The following BTRC variants were observed in gnomAD, a reference collection of about 807,000 sequenced individuals.
The protein encoded by BTRC is beta-transducin repeat containing E3 ubiquitin protein ligase.
A neutral mutation model predicts 85.5 loss-of-function variants in BTRC; 42 were observed. The observed-to-expected ratio is 0.49, with a 90% confidence interval of 0.38 to 0.64. The LOEUF is 0.64. Among genes scored for constraint, BTRC ranks in the 30% least tolerant of loss-of-function variants. The pLI, the probability that BTRC is intolerant of heterozygous loss-of-function variation, is 0.00. For synonymous variants in BTRC, 255 were observed against 263.3 expected (o/e 0.97, Z 0.30); for missense variants, 594 against 743.5 (o/e 0.80, Z 2.34).
At chr10:101,425,376 T>C (rs1944222610) in intron 1 of BTRC, among the ~76,000 whole-genome samples, 1 of 152,242 alleles carries the variant, frequency 6.6e-6, no homozygotes, top group Admixed American at 6.5e-5. Flanking sequence ...TACATTGTTA[T>C]ACTCTTCAAC....
intron 13 of BTRC, among the ~76,000 whole-genome samples, chr10:101,543,615 C>CTTTTTT (rs60958588): frequency 6.8e-6 from 1 of 147,072 alleles, no homozygotes; most frequent in Non-Finnish European, 1.5e-5. Context: ...TTTTCATGCT[C>CTTTTTT]TTTTTTTTTT....
chr10:101,493,615 A>T (rs1447879567), intron 4 of BTRC, among the ~76,000 whole-genome samples: 1 of 152,280 alleles, frequency 6.6e-6, no homozygotes, highest in Non-Finnish European at 1.5e-5. Context: ...ACAACTAGCC[A>T]GGATTTGGAA....
chr10:101,447,463 A>G (rs1036586432), intron 2 of BTRC, among the ~76,000 whole-genome samples: 4 of 152,204 alleles, frequency 2.6e-5, no homozygotes, highest in Non-Finnish European at 5.9e-5. Flanking sequence ...GGTTTCCACA[A>G]GAGGGTATTT....
intron 1 of BTRC, among the ~76,000 whole-genome samples, chr10:101,366,798 T>TAATATA (rs1564729692): frequency 6.8e-5 from 6 of 87,796 alleles, no homozygotes; most frequent in Admixed American, 2.1e-4. Flanking sequence ...ATTTTTACAT[T>TAATATA]TATATATATA....
At chr10:101,442,525 G>A (rs546830405) in intron 2 of BTRC, among the ~76,000 whole-genome samples, 90 of 152,158 alleles carry the variant, frequency 5.9e-4, no homozygotes, top group African/African-American at 2.0e-3. Flanking sequence ...GAAAAGGAAA[G>A]AATGTGATAA....
intron 13 of BTRC, among the ~76,000 whole-genome samples, chr10:101,548,089 A>T (rs2062586628): frequency 6.6e-6 from 1 of 152,230 alleles, no homozygotes; most frequent in Admixed American, 6.5e-5. Flanking sequence ...GATTGGTAAT[A>T]TCAATTTTTG....
chr10:101,363,680 C>T (rs1167033477), intron 1 of BTRC, among the ~76,000 whole-genome samples: 1 of 151,806 alleles, frequency 6.6e-6, no homozygotes, highest in African/African-American at 2.4e-5. Flanking sequence ...TGTGCCTGGC[C>T]GGGAAGTTCG....
intron 4 of BTRC, among the ~76,000 whole-genome samples, chr10:101,485,407 T>C (rs1196526259): frequency 6.6e-6 from 1 of 152,212 alleles, no homozygotes; most frequent in East Asian, 1.9e-4. Flanking sequence ...CCAGCCGCAT[T>C]GATTAGGCAC....
In BTRC at chr10:101,515,668, C is replaced by T. The variant is rs1278392300; in HGVS notation, c.325-5971C>T. Among the ~76,000 whole-genome samples the T allele has an allele frequency of 3.3e-5, 5 of 152,166 alleles. No homozygotes were observed. The South Asian group carries it at 6.2e-4, about 19-fold the overall frequency. The stretch of plus-strand genomic sequence containing the variant: ...CTAGGGCTACAGGCATGTACCACCA[C>T]GCCCGGCTAATTTTTTGTACTTTTA... On this transcript the variant is annotated intron_variant, in intron 4 of 14. Transcript: ENST00000370187.
intron 3 of BTRC, among the ~76,000 whole-genome samples, chr10:101,472,510 G>A (rs554029824): frequency 6.6e-6 from 1 of 151,798 alleles, no homozygotes; most frequent in South Asian, 2.1e-4. Context: ...TTTCCTTTCA[G>A]CACTTTAAAA....
At chr10:101,421,353 G>A (rs1944094476) in intron 1 of BTRC, among the ~76,000 whole-genome samples, 1 of 151,972 alleles carries the variant, frequency 6.6e-6, no homozygotes, top group Non-Finnish European at 1.5e-5. Context: ...CTTTTAAAGT[G>A]CCATTTTAAT....
chr10:101,504,670 C>A (rs537418120), intron 4 of BTRC, among the ~76,000 whole-genome samples: 1 of 151,838 alleles, frequency 6.6e-6, no homozygotes, highest in Admixed American at 6.6e-5. Context: ...TTCCCATTTT[C>A]CCCCTTCCAT....
At chr10:101,380,361 A>C (rs778499244) in intron 1 of BTRC, among the ~76,000 whole-genome samples, 3 of 152,216 alleles carry the variant, frequency 2.0e-5, no homozygotes, top group Non-Finnish European at 4.4e-5. Context: ...AAGATGAATT[A>C]GATTTAACAA....
At chr10:101,386,119 T>C (rs1287205732) in intron 1 of BTRC, among the ~76,000 whole-genome samples, 1 of 152,190 alleles carries the variant, frequency 6.6e-6, no homozygotes, top group Non-Finnish European at 1.5e-5. Context: ...TTAATCCCTG[T>C]CTATGATGAT....
rs552134286 is a variant in BTRC, at chr10:101,520,967, C to CA, written c.325-663dup. Among the ~76,000 whole-genome samples, 257 of 147,102 alleles carry CA rather than the reference C, an allele frequency of 1.7e-3. 1 individual carries two copies. The highest frequency in any genetic ancestry group is 3.3e-3 in the Non-Finnish European group (216 of 66,348). Reference sequence around the variant, plus strand: ...GACAGAGCAAGACTGTCTCCAAAAACAAAAAAAAAGTTGTGATGACGGAGC... The same window carrying CA: ...GACAGAGCAAGACTGTCTCCAAAAACAAAAAAAAAAGTTGTGATGACGGAGC... On this transcript the variant is annotated intron_variant, in intron 4 of 14. Coordinates refer to ENST00000370187, the MANE Select transcript of BTRC (RefSeq NM_033637.4).
At chr10:101,465,949 A>T (rs963465730) in intron 3 of BTRC, among the ~76,000 whole-genome samples, 1 of 152,214 alleles carries the variant, frequency 6.6e-6, no homozygotes, top group African/African-American at 2.4e-5. Flanking sequence ...CAAAATAGCT[A>T]CAATTTTTGT....
chr10:101,441,788 C>T (rs937713197), intron 2 of BTRC, among the ~76,000 whole-genome samples: 3 of 148,466 alleles, frequency 2.0e-5, no homozygotes, highest in East Asian at 4.0e-4. Flanking sequence ...GGCTAAGGCA[C>T]GCGAATCGCT....
Position 101,554,208 on chromosome 10 carries a change from T to C in BTRC, c.*1085T>C, listed in dbSNP as rs1247174737. The C allele has an allele frequency of 2.6e-5, 4 of 152,200 alleles. No homozygotes were observed. Among genetic ancestry groups the C allele is most frequent in the Non-Finnish European group, 4.4e-5 (3 of 68,048 alleles). 9.4% of individuals were successfully genotyped at this position (152,200 alleles called of 1,614,324 possible). ...ACAATTGGGTGTGTAATAAAAAGCA[T>C]TGTACTTCATCTTAAATCACTGGTA... On this transcript the variant is annotated 3_prime_UTR_variant, in exon 15 of 15. Transcript: ENST00000370187.
intron 1 of BTRC, among the ~76,000 whole-genome samples, chr10:101,367,532 G>A (rs568773080): frequency 2.0e-5 from 3 of 152,088 alleles, no homozygotes; most frequent in South Asian, 2.1e-4. Flanking sequence ...ACACATCTTC[G>A]TAACCATTAT....
Sources: allele counts gnomAD v4.1 joint callset (sites outside exome capture counted in the v4.1 genomes callset), GRCh38; gene constraint gnomAD v4.1.1; transcripts MANE v1.5; gene names NCBI Gene and HGNC (gene_info 2026-07-23, HGNC 2026-07-21).